The following FAM168A variants were observed in gnomAD, a reference collection of about 807,000 sequenced individuals.
FAM168A encodes protein FAM168A.
In FAM168A, 3 loss-of-function variants were observed where a neutral mutation model predicts 28.5. The ratio of observed to expected loss-of-function variants is 0.11; its 90% CI spans 0.05 to 0.27. The LOEUF (loss-of-function observed/expected upper bound fraction) is 0.27, where lower values mean the gene tolerates loss of function less well. FAM168A is among the 10% of genes least tolerant of loss of function. The pLI is 1.00. For missense variants in FAM168A, 222 were observed against 311.5 expected, an observed-to-expected ratio of 0.71 and a Z score of 2.16; for synonymous variants, 122 against 124.2, an observed-to-expected ratio of 0.98 and a Z score of 0.12.
intron 3 of FAM168A, among the ~76,000 whole-genome samples, chr11:73,423,216 A>T (rs1222690589): frequency 6.6e-6 from 1 of 152,188 alleles, no homozygotes; most frequent in Non-Finnish European, 1.5e-5. Flanking sequence ...GTTGTAGGCT[A>T]CAGCTCTAAT....
chr11:73,570,297 C>A (rs1944071123), intron 1 of FAM168A, among the ~76,000 whole-genome samples: 1 of 152,122 alleles, frequency 6.6e-6, no homozygotes, highest in African/African-American at 2.4e-5. Context: ...AAATACTGCA[C>A]TTGGCACAAA....
chr11:73,563,411 T>C (rs1329777892), intron 1 of FAM168A, among the ~76,000 whole-genome samples: 1 of 152,174 alleles, frequency 6.6e-6, no homozygotes, highest in Non-Finnish European at 1.5e-5. Flanking sequence ...TCTGGCCCAA[T>C]AAACGTATGC....
intron 1 of FAM168A, among the ~76,000 whole-genome samples, chr11:73,556,113 C>T (rs1030146393): frequency 5.9e-5 from 9 of 151,716 alleles, no homozygotes; most frequent in African/African-American, 9.7e-5. Context: ...GGGAAGCAGA[C>T]GCAGGAGGAT....
chr11:73,544,860 A>G (rs55701062), intron 1 of FAM168A, among the ~76,000 whole-genome samples: 2 of 96,646 alleles, frequency 2.1e-5, no homozygotes, highest in African/African-American at 1.0e-4. Context: ...TATAATATAT[A>G]ATATATAATT....
chr11:73,435,960 G>A lies in FAM168A; in HGVS notation c.71-5190C>T, dbSNP rs1218863849. On this transcript the variant is annotated intron_variant, in intron 2 of 7. Coordinates refer to ENST00000356467, the MANE Select transcript of FAM168A (RefSeq NM_015159.3). ...AAGATTATTCAGCAAGTCAGTGGTC[G>A]AATTGGGAAGGGAATCCCAAAAGCA... Among the ~76,000 whole-genome samples the A allele has an allele frequency of 1.4e-4, 22 of 152,202 alleles. 1 individual carries two copies. The highest frequency in any genetic ancestry group is 1.4e-3 in the Admixed American group (21 of 15,280).
chr11:73,445,437 T>C (rs1867293773), intron 2 of FAM168A, among the ~76,000 whole-genome samples: 1 of 131,960 alleles, frequency 7.6e-6, no homozygotes, highest in Non-Finnish European at 1.6e-5. Flanking sequence ...TTTTTTTTTT[T>C]TTTTTTTTTT....
intron 2 of FAM168A, among the ~76,000 whole-genome samples, chr11:73,457,723 C>CAAAAAAAAAAAAAAAAAAAAAAAAAAA (rs58142151): frequency 2.9e-4 from 11 of 37,540 alleles, no homozygotes; most frequent in Admixed American, 5.0e-4. Flanking sequence ...GCCTGGGTGA[C>CAAAAAAAAAAAAAAAAAAAAAAAAAAA]AAAAAAAAAA....
At chr11:73,497,667 C>A (rs976905625) in intron 1 of FAM168A, among the ~76,000 whole-genome samples, 2 of 152,076 alleles carry the variant, frequency 1.3e-5, no homozygotes, top group African/African-American at 4.8e-5. Flanking sequence ...AAACCAAACA[C>A]CACACGTTCT....
At chr11:73,452,956 C>T (rs1025373815) in intron 2 of FAM168A, among the ~76,000 whole-genome samples, 3 of 151,718 alleles carry the variant, frequency 2.0e-5, no homozygotes, top group Non-Finnish European at 4.4e-5. Flanking sequence ...TTTTACCAGA[C>T]GGTAAATAAT....
At position 73,468,290 on chromosome 11, in the gene FAM168A, T is replaced by A. The variant is rs532436043; in HGVS notation, c.70+115A>T. The A allele has an allele frequency of 4.5e-6, 4 of 895,174 alleles. No individual in the cohort carries two copies. In the African/African-American group the frequency reaches 6.6e-5, roughly 15 times the overall value. The allele number at this position is 895,174 out of a possible 1,614,324, so 55.5% of individuals were successfully genotyped here. A position where few individuals can be genotyped will look rare whatever the true frequency, so the allele number is the denominator to read the frequency against. ...CTGGACCTCAGACATATCTTCTGCA[T>A]GTTCCCAAACTTTCCCAAGACTTTT... On this transcript the variant is annotated intron_variant, in intron 2 of 7. Transcript: ENST00000356467.
chr11:73,557,039 A>G (rs1253121716), intron 1 of FAM168A, among the ~76,000 whole-genome samples: 1 of 151,936 alleles, frequency 6.6e-6, no homozygotes, highest in Non-Finnish European at 1.5e-5. Flanking sequence ...AAAAAAAAAA[A>G]GAGGAAAAAA....
intron 1 of FAM168A, among the ~76,000 whole-genome samples, chr11:73,587,606 T>A (rs1319402837): frequency 6.6e-6 from 1 of 152,128 alleles, no homozygotes; most frequent in Non-Finnish European, 1.5e-5. Context: ...GGAGGAGCAC[T>A]TGGTGCCAGG....
At chr11:73,480,324 A>G (rs1867949954) in intron 1 of FAM168A, among the ~76,000 whole-genome samples, 2 of 152,192 alleles carry the variant, frequency 1.3e-5, no homozygotes, top group African/African-American at 4.8e-5. Context: ...ATGGCTTTTT[A>G]GCTAATCAAA....
chr11:73,424,994 T>A, intron 3 of FAM168A: 1 of 1,514,240 alleles, frequency 6.6e-7, no homozygotes, highest in Non-Finnish European at 8.8e-7. Flanking sequence ...TAGGCTGTAA[T>A]ACAGATGAGG....
chr11:73,505,755 A>AAGT (rs1855105486), intron 1 of FAM168A, among the ~76,000 whole-genome samples: 3 of 152,164 alleles, frequency 2.0e-5, no homozygotes, highest in Non-Finnish European at 4.4e-5. Context: ...GGTGTACTTC[A>AAGT]CCATTTTATA....
At chr11:73,584,139 A>G (rs937571828) in intron 1 of FAM168A, among the ~76,000 whole-genome samples, 2 of 151,992 alleles carry the variant, frequency 1.3e-5, no homozygotes, top group Non-Finnish European at 2.9e-5. Flanking sequence ...TGATCTAGTC[A>G]GAAAAAATTT....
At chr11:73,493,127 T>C (rs1271987807) in intron 1 of FAM168A, among the ~76,000 whole-genome samples, 1 of 151,488 alleles carries the variant, frequency 6.6e-6, no homozygotes, top group Non-Finnish European at 1.5e-5. Flanking sequence ...ACATGCAATG[T>C]ATCCATGTAA....
chr11:73,523,692 T>C (rs1426525501), intron 1 of FAM168A, among the ~76,000 whole-genome samples: 3 of 152,098 alleles, frequency 2.0e-5, no homozygotes, highest in Admixed American at 2.0e-4. Flanking sequence ...CAAGCCATCT[T>C]CCCACCTCAG....
chr11:73,505,039 G>A (rs982934117), intron 1 of FAM168A, among the ~76,000 whole-genome samples: 2 of 151,972 alleles, frequency 1.3e-5, no homozygotes, highest in African/African-American at 2.4e-5. Context: ...CTAAGAGTAC[G>A]GGTCACTAGG....
Sources: gnomAD v4.1 joint callset for allele counts (sites outside exome capture counted in the v4.1 genomes callset) on GRCh38, gnomAD v4.1.1 for gene constraint, MANE v1.5 for transcripts, NCBI Gene and HGNC (gene_info 2026-07-23, HGNC 2026-07-21) for gene names.